Variants in NAA16 observed in about 807,000 individuals in gnomAD.
NAA16 encodes the protein N-alpha-acetyltransferase 16, NatA auxiliary subunit, also known as NARG1-like protein.
NAA16 carries 97 observed loss-of-function variants against 110.3 expected under a neutral mutation model. The ratio of observed to expected loss-of-function variants is 0.88; its 90% CI spans 0.75 to 1.04. The LOEUF (loss-of-function observed/expected upper bound fraction) is 1.04. NAA16 is among the 50% of genes least tolerant of loss of function. The pLI, the probability that NAA16 is intolerant of heterozygous loss-of-function variation, is 0.00. For missense variants in NAA16, 1,017 were observed against 1,005.1 expected (o/e 1.01, Z -0.16); for synonymous variants, 372 against 330.6 (o/e 1.13, Z -1.36).
rs140028691 is a variant in NAA16 at position 41,336,636 on chromosome 13, G to A, written c.908-14G>A. 3.5e-4 allele frequency: 499 copies of A among 1,423,924 alleles called. 4 individuals carry two copies. Among genetic ancestry groups the A allele is most frequent in the South Asian group, 8.9e-4 (70 of 78,602 alleles). 88.2% of individuals were successfully genotyped at this position (1,423,924 alleles called of 1,614,324 possible). A position where few individuals can be genotyped will look rare whatever the true frequency, so the allele number is the denominator to read the frequency against. On this transcript the variant is annotated splice_polypyrimidine_tract_variant and intron_variant, in intron 8 of 19. Transcript: ENST00000379406. ...CGTGAACCAAAGAATAACAAAGTACGCTTTTGTTTCTAGGTGAAAGATTTA... is the reference window on the plus strand; with the variant it reads ...CGTGAACCAAAGAATAACAAAGTACACTTTTGTTTCTAGGTGAAAGATTTA...
chr13:41,326,001 CAT>C, intron 6 of NAA16, 150 bp downstream of exon 6: 1 of 546,422 alleles, frequency 1.8e-6, no homozygotes. Context: ...GTTTAATCCT[CAT>C]AACAACCCTA....
intron 9 of NAA16, among the ~76,000 whole-genome samples, chr13:41,350,957 G>A (rs1392052844): frequency 6.6e-6 from 1 of 152,068 alleles, no homozygotes; most frequent in Non-Finnish European, 1.5e-5. Flanking sequence ...TCTAAGAAGA[G>A]GTGTACATTG....
At chr13:41,354,136 C>G (rs1402750854) in intron 9 of NAA16, among the ~76,000 whole-genome samples, 1 of 152,094 alleles carries the variant, frequency 6.6e-6, no homozygotes, top group Non-Finnish European at 1.5e-5. Context: ...TCCACATTGT[C>G]CATTGAACTT....
chr13:41,372,846 G>T lies in NAA16; in HGVS notation c.2155+16G>T. The stretch of plus-strand genomic sequence containing the variant: ...TCTAAATCTGGTAAGTATAAAAAAG[G>T]ACCATATTTACATTTGTGAATTATT... On this transcript the variant is annotated intron_variant, in intron 17 of 19. Coordinates refer to ENST00000379406, the MANE Select transcript of NAA16 (RefSeq NM_024561.5). 1 of 1,512,072 alleles carries T rather than the reference G, an allele frequency of 6.6e-7. No individual in the cohort carries two copies. Among genetic ancestry groups the T allele is most frequent in the South Asian group, 1.3e-5 (1 of 76,002 alleles). The allele number at this position is 1,512,072 out of a possible 1,614,324, so 93.7% of individuals were successfully genotyped here. A position where few individuals can be genotyped will look rare whatever the true frequency, so the allele number is the denominator to read the frequency against.
chr13:41,375,650 C>G lies in NAA16; in HGVS notation c.*48C>G, dbSNP rs2043415157. 7.1e-7 allele frequency: 1 copy of G among 1,403,938 alleles called. No individual in the cohort carries two copies. The highest frequency in any genetic ancestry group is 9.7e-7 in the Non-Finnish European group (1 of 1,034,188). The allele number at this position is 1,403,938 out of a possible 1,614,324, so 87.0% of individuals were successfully genotyped here. Reference sequence around the variant, plus strand: ...TATAGACTCAAAGCTGAATTGAGATCAGGGTTTCTTTTCCAGGGTGCATTT... The same window carrying G: ...TATAGACTCAAAGCTGAATTGAGATGAGGGTTTCTTTTCCAGGGTGCATTT... On this transcript the variant is annotated 3_prime_UTR_variant, in exon 20 of 20. Coordinates refer to ENST00000379406, the MANE Select transcript of NAA16 (RefSeq NM_024561.5).
chr13:41,351,023 G>A (rs1000628385), intron 9 of NAA16, among the ~76,000 whole-genome samples: 5 of 152,184 alleles, frequency 3.3e-5, no homozygotes, highest in Admixed American at 2.0e-4. Context: ...CCATTAGTTT[G>A]TGAGTGTCAG....
intron 9 of NAA16, among the ~76,000 whole-genome samples, chr13:41,339,735 T>C (rs956030619): frequency 6.6e-6 from 1 of 152,092 alleles, no homozygotes; most frequent in Non-Finnish European, 1.5e-5. Context: ...ATTTTTTGTA[T>C]TTTTAGTAGA....
At chr13:41,358,249 T>C in intron 10 of NAA16, 55 bp from the exon 11 acceptor site, 1 of 1,432,652 alleles carries the variant, frequency 7.0e-7, no homozygotes, top group Non-Finnish European at 9.7e-7. Flanking sequence ...AGAGAGAAAA[T>C]ATGTGATTTG....
chr13:41,311,606 C>T, intron 1 of NAA16, 24 bp downstream of exon 1: 2 of 1,597,164 alleles, frequency 1.3e-6, no homozygotes, highest in South Asian at 1.1e-5. Context: ...GGCCGCGCTG[C>T]CGCCCCCCGG....
chr13:41,360,150 C>T lies in NAA16; in HGVS notation c.1410+1188C>T, dbSNP rs544647227. On this transcript the variant is annotated intron_variant, in intron 12 of 19. Coordinates refer to ENST00000379406, the MANE Select transcript of NAA16 (RefSeq NM_024561.5). ...AGTACCACATGGAAGGCCAAGGTAG[C>T]GATAGGAAGTAAAATGCAATTAAAT... 7.9e-5 allele frequency among the ~76,000 whole-genome samples: 12 copies of T among 152,140 alleles called. No individual in the cohort carries two copies. In the South Asian group the frequency reaches 1.7e-3, roughly 21 times the overall value.
At chr13:41,369,053 C>T (rs1050269313) in intron 14 of NAA16, 37 bp from the exon 15 acceptor site, 51 of 1,525,626 alleles carry the variant, frequency 3.3e-5, no homozygotes, top group Non-Finnish European at 4.4e-5. Flanking sequence ...AAAATGCAAA[C>T]ATTGGCTCAG....
intron 10 of NAA16, among the ~76,000 whole-genome samples, chr13:41,357,185 G>A (rs2043009077): frequency 6.6e-6 from 1 of 152,156 alleles, no homozygotes; most frequent in African/African-American, 2.4e-5. Context: ...GCCACGTTCG[G>A]TGGTTCTCAC....
intron 19 of NAA16, 43 bp downstream of exon 19, chr13:41,374,882 C>T (rs41287005): frequency 0.014 from 16,363 of 1,197,482 alleles, 135 homozygotes; most frequent in Middle Eastern, 0.033. Flanking sequence ...ACACAGTGAT[C>T]TAACAAAACG....
Position 41,375,725 on chromosome 13 carries a change from T to A in NAA16, c.*123T>A. The A allele has an allele frequency of 1.4e-6, 1 of 695,376 alleles. No homozygotes were observed. The highest frequency in any genetic ancestry group is 2.3e-6 in the Non-Finnish European group (1 of 436,930). 43.1% of individuals were successfully genotyped at this position (695,376 alleles called of 1,614,324 possible). ...TTGGTTAGGATTTTTAAATGGCATA[T>A]TCTGTAAGCTTATTTTGTTCTTTAC... On this transcript the variant is annotated 3_prime_UTR_variant, in exon 20 of 20. Transcript: ENST00000379406.
intron 9 of NAA16, among the ~76,000 whole-genome samples, chr13:41,353,392 A>G (rs971212343): frequency 6.6e-6 from 1 of 152,104 alleles, no homozygotes. Context: ...CTTAAAAAAA[A>G]GTCTTTGCAA....
Position 41,325,760 on chromosome 13 carries a change from G to A in NAA16, c.600G>A (p.Met200Ile), listed in dbSNP as rs897204003. The A allele has an allele frequency of 2.1e-5, 33 of 1,603,792 alleles. No homozygotes were observed. The highest frequency in any genetic ancestry group is 2.6e-5 in the Non-Finnish European group (31 of 1,171,712). The change falls in exon 6 of 20, where the codon ATG (methionine) becomes ATA (isoleucine). Residue 200 changes from methionine to isoleucine, a missense_variant. By Grantham distance (10) the Met-to-Ile change is conservative (BLOSUM62 1). Transcript: ENST00000379406. ...SELILYQNQVMREADLLQESL... is the reference protein window; with the variant it reads ...SELILYQNQVIREADLLQESL... ...TGATATTATACCAGAATCAAGTGAT[G>A]AGAGAGGCAGATCTGTTGCAGGAAT...
chr13:41,326,373 T>C (rs572218425), intron 6 of NAA16, among the ~76,000 whole-genome samples: 1 of 152,272 alleles, frequency 6.6e-6, no homozygotes, highest in Non-Finnish European at 1.5e-5. Context: ...CCCTGAGCAA[T>C]AATGTATTAA....
At chr13:41,347,074 G>A (rs1363477629) in intron 9 of NAA16, among the ~76,000 whole-genome samples, 1 of 151,914 alleles carries the variant, frequency 6.6e-6, no homozygotes, top group Admixed American at 6.6e-5. Context: ...AAAATTAGCT[G>A]GCGTGGTGGC....
At chr13:41,326,051 C>T (rs1056445522) in intron 6 of NAA16, among the ~76,000 whole-genome samples, 200 bp downstream of exon 6, 31 of 152,088 alleles carry the variant, frequency 2.0e-4, no homozygotes, top group Non-Finnish European at 1.6e-4. Flanking sequence ...GATGGGGGAA[C>T]TGAGAGATTG....
Sources: allele counts gnomAD v4.1 joint callset (sites outside exome capture counted in the v4.1 genomes callset), GRCh38; gene constraint gnomAD v4.1.1; transcripts MANE v1.5; gene names NCBI Gene and HGNC (gene_info 2026-07-23, HGNC 2026-07-21).